SUN1: variants seen among roughly 807,000 people sequenced by gnomAD.
SUN1 encodes Sad1 and UNC84 domain containing 1.
SUN1 carries 61 observed loss-of-function variants against 103.2 expected under a neutral mutation model. That is an observed-to-expected ratio of 0.59 (90% CI 0.48 to 0.73). The LOEUF is 0.73. SUN1 is among the 30% of genes least tolerant of loss of function. The pLI is 0.00. For missense variants in SUN1, 1,052 were observed against 1,034.6 expected (o/e 1.02, Z -0.23); for synonymous variants, 490 against 425.7 (o/e 1.15, Z -1.86).
intron 13 of SUN1, 53 bp from the exon 14 acceptor site, chr7:860,075 T>C: frequency 6.3e-7 from 1 of 1,597,168 alleles, no homozygotes; most frequent in Non-Finnish European, 8.6e-7. Context: ...ACCCGAACAG[T>C]GGAAGTGATT....
Position 849,149 on chromosome 7 carries a change from G to A in SUN1, c.659-2235G>A, listed in dbSNP as rs530120880. ...TGCATTTTTACTAAAGTAGACATGG[G>A]GTTTCATCATGTTAGCCAAGATGGT... On this transcript the variant is annotated intron_variant, in intron 5 of 18. Transcript: ENST00000401592. Among the ~76,000 whole-genome samples the A allele has an allele frequency of 6.8e-4, 103 of 152,300 alleles. 3 individuals are homozygous for A. In the South Asian group the frequency reaches 0.019, roughly 29 times the overall value.
chr7:828,376 G>C (rs143049210), upstream of SUN1, among the ~76,000 whole-genome samples: 542 of 150,260 alleles, frequency 3.6e-3, 4 homozygotes, highest in African/African-American at 0.013. Flanking sequence ...GGTTCAATCA[G>C]TTCTCCTGCC....
At chr7:832,639 A>G (rs751756998) in intron 1 of SUN1, 38 bp downstream of exon 1, 4 of 1,556,306 alleles carry the variant, frequency 2.6e-6, no homozygotes, top group South Asian at 2.3e-5. Flanking sequence ...TGGCCTTGCA[A>G]TGCCCACTCG....
At chr7:842,268 T>A in intron 3 of SUN1, 138 bp downstream of exon 3, 1 of 931,154 alleles carries the variant, frequency 1.1e-6, no homozygotes, top group Non-Finnish European at 1.6e-6. Flanking sequence ...GGCCACATTG[T>A]GGGTTTGCTG....
chr7:870,708 C>T (rs77127926), intron 17 of SUN1, among the ~76,000 whole-genome samples: 17,757 of 152,162 alleles, frequency 0.12, 1,196 homozygotes, highest in South Asian at 0.23. Context: ...CTTCTCCTCT[C>T]ACTGAGTATT....
intron 1 of SUN1, among the ~76,000 whole-genome samples, chr7:826,948 A>G (rs753092152): frequency 6.6e-6 from 1 of 152,184 alleles, no homozygotes; most frequent in African/African-American, 2.4e-5. Flanking sequence ...TGCCTTTTCC[A>G]GTTTTCTTTA....
chr7:857,744 G>A (rs764455760), intron 12 of SUN1, 84 bp from the exon 13 acceptor site: 51 of 1,417,274 alleles, frequency 3.6e-5, no homozygotes, highest in Non-Finnish European at 4.4e-5. Flanking sequence ...GAGTGGGATC[G>A]GGTTCCCCTC....
At chr7:852,244 A>C in intron 7 of SUN1, 1 of 630,484 alleles carries the variant, frequency 1.6e-6, no homozygotes, top group Non-Finnish European at 2.7e-6. Flanking sequence ...TAAGGAAAAC[A>C]AATGTGCAGA....
At chr7:869,550 A>G in intron 17 of SUN1, 34 bp downstream of exon 17, 1 of 1,599,150 alleles carries the variant, frequency 6.3e-7, no homozygotes, top group Admixed American at 1.7e-5. Context: ...CTCCTCCCAC[A>G]CCTTCCTGGG....
chr7:846,978 T>TA (rs1816469870), intron 5 of SUN1, among the ~76,000 whole-genome samples: 1 of 152,176 alleles, frequency 6.6e-6, no homozygotes. Flanking sequence ...ATGCCCCTGC[T>TA]AGGCCACAGA....
intron 2 of SUN1, chr7:839,319 A>G: frequency 3.7e-6 from 1 of 266,820 alleles, no homozygotes; most frequent in Non-Finnish European, 7.0e-6. Flanking sequence ...CAGCTGTCCT[A>G]CCACATGTGT....
At chr7:852,174 A>T (rs1037773226) in intron 7 of SUN1, 131 bp downstream of exon 7, 3 of 842,910 alleles carry the variant, frequency 3.6e-6, no homozygotes, top group Non-Finnish European at 5.5e-6. Context: ...TATTTTACAA[A>T]AGTGCTTTTA....
At chr7:842,234 T>C in intron 3 of SUN1, 104 bp downstream of exon 3, 2 of 1,281,512 alleles carry the variant, frequency 1.6e-6, no homozygotes, top group Non-Finnish European at 2.2e-6. Flanking sequence ...TTTGCATGGA[T>C]TATGCTAGGG....
At chr7:857,802 G>C in intron 12 of SUN1, 26 bp from the exon 13 acceptor site, 1 of 1,556,066 alleles carries the variant, frequency 6.4e-7, no homozygotes, top group Non-Finnish European at 8.7e-7. Flanking sequence ...GCTTGTGTGT[G>C]ACCCATTCTC....
intron 1 of SUN1, among the ~76,000 whole-genome samples, chr7:835,030 C>G (rs1402756220): frequency 1.3e-5 from 2 of 152,204 alleles, no homozygotes; most frequent in Admixed American, 6.5e-5. Flanking sequence ...GAGCTGAGAT[C>G]GCGCCACTGC....
At chr7:844,196 C>T (rs564471955) in intron 5 of SUN1, among the ~76,000 whole-genome samples, 4 of 152,336 alleles carry the variant, frequency 2.6e-5, no homozygotes, top group Non-Finnish European at 5.9e-5. Flanking sequence ...ACTGGGATTC[C>T]CTGGGGGGCT....
At chr7:830,574 G>A (rs1796998794), upstream of SUN1, among the ~76,000 whole-genome samples, 1 of 121,228 alleles carries the variant, frequency 8.2e-6, no homozygotes, top group Non-Finnish European at 1.7e-5. Context: ...TGTAATCACA[G>A]ACTCCACATC....
At chr7:815,658 C>A (rs550221408), upstream of SUN1, among the ~76,000 whole-genome samples, 10 of 152,334 alleles carry the variant, frequency 6.6e-5, no homozygotes, top group Admixed American at 6.5e-4. Flanking sequence ...AAGAACAAAT[C>A]AGTATTTGCA....
intron 1 of SUN1, chr7:816,762 C>A (rs1453961084): frequency 2.0e-5 from 3 of 147,474 alleles, no homozygotes; most frequent in Non-Finnish European, 3.0e-5. Flanking sequence ...GCCGGGGGGA[C>A]GCGGGGTCGC....
Sources: gnomAD v4.1 joint callset for allele counts (sites outside exome capture counted in the v4.1 genomes callset) on GRCh38, gnomAD v4.1.1 for gene constraint, MANE v1.5 for transcripts, NCBI Gene and HGNC (gene_info 2026-07-23, HGNC 2026-07-21) for gene names.